Variants in EIPR1 observed in about 807,000 individuals in gnomAD.
EIPR1 encodes EARP and GARP complex-interacting protein 1.
In EIPR1, 25 loss-of-function variants were observed where a neutral mutation model predicts 48.1. The observed-to-expected ratio is 0.52, with a 90% CI of 0.38 to 0.73. EIPR1 has a LOEUF of 0.73. EIPR1 is among the 30% of genes least tolerant of loss of function. The probability of loss-of-function intolerance (pLI) is 0.00; values close to 1 mark genes in which losing one functional copy is unlikely to be tolerated. For synonymous variants in EIPR1, 204 were observed against 201.9 expected (o/e 1.01, Z -0.09); for missense variants, 415 against 506.2 (o/e 0.82, Z 1.73).
intron 3 of EIPR1, among the ~76,000 whole-genome samples, chr2:3,325,870 C>G (rs553132212): frequency 7.9e-5 from 12 of 152,370 alleles, no homozygotes; most frequent in Non-Finnish European, 1.6e-4. Context: ...TTCAGGTGCC[C>G]CTGGCACCCT....
intron 3 of EIPR1, among the ~76,000 whole-genome samples, chr2:3,318,160 C>A (rs976314926): frequency 8.5e-5 from 13 of 152,236 alleles, no homozygotes; most frequent in Non-Finnish European, 2.9e-5. Flanking sequence ...AAGGGCAGGG[C>A]GCAGACCAGC....
At chr2:3,230,265 G>A (rs539331756) in intron 4 of EIPR1, among the ~76,000 whole-genome samples, 16 of 152,222 alleles carry the variant, frequency 1.1e-4, no homozygotes, top group South Asian at 6.2e-4. Context: ...ACGCACACAC[G>A]TCTTGGCCAT....
chr2:3,343,004 G>C (rs7601587), intron 2 of EIPR1, among the ~76,000 whole-genome samples: 1 of 152,018 alleles, frequency 6.6e-6, no homozygotes, highest in Non-Finnish European at 1.5e-5. Flanking sequence ...TTATACACTT[G>C]AGTGCCTTAA....
At chr2:3,346,801 A>G (rs1267303592) in intron 2 of EIPR1, among the ~76,000 whole-genome samples, 1 of 152,222 alleles carries the variant, frequency 6.6e-6, no homozygotes, top group East Asian at 1.9e-4. Flanking sequence ...AAAACCTTGG[A>G]CAAAAATCAT....
chr2:3,292,398 G>C (rs1287876993), intron 3 of EIPR1, among the ~76,000 whole-genome samples: 1 of 152,004 alleles, frequency 6.6e-6, no homozygotes, highest in East Asian at 1.9e-4. Flanking sequence ...CTCACAGACA[G>C]CCGGCTCTGT....
intron 5 of EIPR1, among the ~76,000 whole-genome samples, chr2:3,199,538 G>A (rs1014482049): frequency 6.6e-6 from 1 of 152,246 alleles, no homozygotes; most frequent in Non-Finnish European, 1.5e-5. Context: ...TTGTGGTGGT[G>A]AGAAGAGGTC....
At chr2:3,376,321 C>G (rs890899936) in intron 1 of EIPR1, among the ~76,000 whole-genome samples, 5 of 152,004 alleles carry the variant, frequency 3.3e-5, no homozygotes, top group Non-Finnish European at 7.4e-5. Context: ...GTGCTAGAGG[C>G]AGGATTTAAA....
intron 3 of EIPR1, among the ~76,000 whole-genome samples, chr2:3,296,212 C>CAA (rs1668586281): frequency 8.7e-6 from 1 of 114,636 alleles, no homozygotes; most frequent in Non-Finnish European, 1.9e-5. Context: ...ATCCTCTCTA[C>CAA]ACAGACACCC....
chr2:3,305,854 G>T (rs745788760), intron 3 of EIPR1, among the ~76,000 whole-genome samples: 1 of 152,132 alleles, frequency 6.6e-6, no homozygotes, highest in African/African-American at 2.4e-5. Context: ...CCTCCCAGGC[G>T]GTTCATAGGC....
At chr2:3,260,573 C>G (rs1272638282) in intron 3 of EIPR1, among the ~76,000 whole-genome samples, 2 of 150,420 alleles carry the variant, frequency 1.3e-5, no homozygotes, top group Non-Finnish European at 3.0e-5. Flanking sequence ...AGAAAGAAAA[C>G]AAAAGAAAAG....
At chr2:3,369,551 C>T (rs943655407) in intron 1 of EIPR1, among the ~76,000 whole-genome samples, 13 of 152,216 alleles carry the variant, frequency 8.5e-5, no homozygotes, top group South Asian at 2.1e-4. Context: ...GCTTTTCCGA[C>T]GGGCTTAGGA....
intron 4 of EIPR1, among the ~76,000 whole-genome samples, chr2:3,228,404 G>A (rs1369948505): frequency 6.6e-6 from 1 of 152,232 alleles, no homozygotes; most frequent in Admixed American, 6.5e-5. Flanking sequence ...CTCAATGCCT[G>A]TACCACCATT....
intron 1 of EIPR1, among the ~76,000 whole-genome samples, chr2:3,359,986 G>A (rs187447748): frequency 9.2e-5 from 14 of 152,264 alleles, no homozygotes; most frequent in East Asian, 7.7e-4. Flanking sequence ...CGTTCAGCCC[G>A]GCTATGGCTC....
At chr2:3,199,960 T>C (rs1300731611) in intron 5 of EIPR1, among the ~76,000 whole-genome samples, 2 of 143,350 alleles carry the variant, frequency 1.4e-5, no homozygotes. Context: ...TTGGGGGGTG[T>C]GTCCACATCT....
rs967417824 is a variant in EIPR1 at position 3,304,128 on chromosome 2, C to T, written c.259+33889G>A. On this transcript the variant is annotated intron_variant, in intron 3 of 8. Transcript: ENST00000382125. ...CTGAAGGGCTGGAAACGCCCAGGCA[C>T]GCGGACAGGCAGCGGTGAAGCCACA... Among the ~76,000 whole-genome samples, 3 of 152,196 alleles carry T rather than the reference C, an allele frequency of 2.0e-5. No homozygotes were observed. The East Asian group carries it at 5.8e-4, about 29-fold the overall frequency.
At chr2:3,364,684 G>A (rs554321638) in intron 1 of EIPR1, among the ~76,000 whole-genome samples, 1 of 151,840 alleles carries the variant, frequency 6.6e-6, no homozygotes, top group East Asian at 1.9e-4. Context: ...CTTGTCATTA[G>A]CAGCAAAATG....
At chr2:3,304,652 G>C (rs113913675) in intron 3 of EIPR1, among the ~76,000 whole-genome samples, 2 of 93,752 alleles carry the variant, frequency 2.1e-5, no homozygotes. Context: ...CAGCCCTCCA[G>C]TCCCGTCCAG....
At chr2:3,233,768 T>A (rs1180700972) in intron 4 of EIPR1, among the ~76,000 whole-genome samples, 1 of 152,226 alleles carries the variant, frequency 6.6e-6, no homozygotes, top group Non-Finnish European at 1.5e-5. Flanking sequence ...TCATCAAAGT[T>A]CCATCTGGGT....
At chr2:3,270,728 T>C (rs1667679037) in intron 3 of EIPR1, among the ~76,000 whole-genome samples, 1 of 152,248 alleles carries the variant, frequency 6.6e-6, no homozygotes, top group African/African-American at 2.4e-5. Flanking sequence ...AGTTGTCATC[T>C]TTTTGCTGGT....
Sources: allele counts gnomAD v4.1 joint callset (sites outside exome capture counted in the v4.1 genomes callset), GRCh38; gene constraint gnomAD v4.1.1; transcripts MANE v1.5; gene names NCBI Gene and HGNC (gene_info 2026-07-23, HGNC 2026-07-21).